FHIT: variants seen among roughly 807,000 people sequenced by gnomAD.
FHIT encodes bis(5'-adenosyl)-triphosphatase.
In FHIT, 19 loss-of-function variants were observed where a neutral mutation model predicts 17.9. The observed-to-expected ratio is 1.06, with a 90% CI of 0.74 to 1.56. The LOEUF (loss-of-function observed/expected upper bound fraction) is 1.56, where lower values mean the gene tolerates loss of function less well. Ranked by LOEUF, FHIT falls within the 40% of genes most tolerant of loss-of-function variation. The pLI is 0.00. For synonymous variants in FHIT, 81 were observed against 69.7 expected (o/e 1.16, Z -0.81); for missense variants, 248 against 189.2 (o/e 1.31, Z -1.82).
intron 5 of FHIT, among the ~76,000 whole-genome samples, chr3:60,372,152 T>C (rs1192930597): frequency 1.3e-5 from 2 of 152,182 alleles, no homozygotes; most frequent in Non-Finnish European, 1.5e-5. Flanking sequence ...GGAAGAGATG[T>C]CAGTTCTTGG....
intron 5 of FHIT, among the ~76,000 whole-genome samples, chr3:60,243,753 T>C (rs1224123682): frequency 1.3e-5 from 2 of 152,124 alleles, no homozygotes; most frequent in African/African-American, 4.8e-5. Flanking sequence ...ATGCTTTACA[T>C]TGTTTTATAA....
chr3:61,130,414 T>TC lies in FHIT; in HGVS notation c.-164+70202dup, dbSNP rs567792761. On this transcript the variant is annotated intron_variant, in intron 2 of 9. Coordinates refer to ENST00000492590, the MANE Select transcript of FHIT (RefSeq NM_002012.4). The stretch of plus-strand genomic sequence containing the variant: ...TTCCCAAATCCACATTCTTACAATT[T>TC]CCCCAAAGATTCAGCAATTCTGAAT... Among the ~76,000 whole-genome samples the TC allele has an allele frequency of 6.2e-3, 949 of 152,262 alleles. 10 individuals carry two copies. Among genetic ancestry groups the TC allele is most frequent in the African/African-American group, 0.022 (912 of 41,526 alleles).
intron 1 of FHIT, among the ~76,000 whole-genome samples, chr3:61,228,088 G>C (rs988937426): frequency 6.6e-6 from 1 of 152,044 alleles, no homozygotes; most frequent in Non-Finnish European, 1.5e-5. Flanking sequence ...ACATTCTACT[G>C]GGTGAAAGGT....
intron 4 of FHIT, among the ~76,000 whole-genome samples, chr3:60,568,398 A>C (rs1000991228): frequency 2.6e-5 from 4 of 151,850 alleles, no homozygotes; most frequent in African/African-American, 9.7e-5. Context: ...ATAGGTGGGA[A>C]TTGAACAATG....
At chr3:60,698,414 T>C (rs1553701239) in intron 4 of FHIT, among the ~76,000 whole-genome samples, 1 of 152,176 alleles carries the variant, frequency 6.6e-6, no homozygotes, top group Non-Finnish European at 1.5e-5. Context: ...GTGTGCGGCT[T>C]CTGAGATAAG....
intron 4 of FHIT, among the ~76,000 whole-genome samples, chr3:60,782,288 T>C (rs1425664073): frequency 6.6e-6 from 1 of 151,608 alleles, no homozygotes; most frequent in African/African-American, 2.4e-5. Context: ...CTCACACCTA[T>C]TAAAATGGCA....
At chr3:60,562,438 GAA>G (rs1427520790) in intron 4 of FHIT, among the ~76,000 whole-genome samples, 1 of 152,182 alleles carries the variant, frequency 6.6e-6, no homozygotes, top group East Asian at 1.9e-4. Context: ...TCTCCAAGAA[GAA>G]AAGTCTCACT....
At chr3:61,170,950 C>T (rs2037986378) in intron 2 of FHIT, among the ~76,000 whole-genome samples, 1 of 152,032 alleles carries the variant, frequency 6.6e-6, no homozygotes, top group South Asian at 2.1e-4. Flanking sequence ...GTATTATATA[C>T]CCAAAAAATA....
chr3:61,098,182 C>T (rs1028467026), intron 2 of FHIT, among the ~76,000 whole-genome samples: 33 of 152,100 alleles, frequency 2.2e-4, no homozygotes, highest in African/African-American at 7.5e-4. Flanking sequence ...GCAGCTTAAC[C>T]CAGTACCATT....
At chr3:60,805,464 C>T (rs1701350423) in intron 4 of FHIT, among the ~76,000 whole-genome samples, 1 of 152,170 alleles carries the variant, frequency 6.6e-6, no homozygotes, top group Admixed American at 6.5e-5. Flanking sequence ...ATCTCCTCTT[C>T]TTCTTCTTAT....
At chr3:60,788,498 G>A (rs782664021) in intron 4 of FHIT, among the ~76,000 whole-genome samples, 31 of 152,070 alleles carry the variant, frequency 2.0e-4, no homozygotes, top group Non-Finnish European at 4.1e-4. Context: ...ACATGCACAT[G>A]TGTATATATG....
intron 2 of FHIT, among the ~76,000 whole-genome samples, chr3:61,101,052 A>G (rs887467359): frequency 6.6e-6 from 1 of 152,062 alleles, no homozygotes; most frequent in Admixed American, 6.6e-5. Context: ...GTGCAGAAGC[A>G]CTTTAGTTTA....
At chr3:59,986,540 T>TATATATATACAC (rs1473518719) in intron 7 of FHIT, among the ~76,000 whole-genome samples, 1 of 12,456 alleles carries the variant, frequency 8.0e-5, no homozygotes, top group African/African-American at 3.5e-4. Context: ...TATATATATA[T>TATATATATACAC]ACACACACAC....
chr3:60,602,698 A>G (rs1553669225), intron 4 of FHIT, among the ~76,000 whole-genome samples: 1 of 152,168 alleles, frequency 6.6e-6, no homozygotes. Context: ...GAGCCTGTGC[A>G]ATGGACTGAA....
intron 2 of FHIT, among the ~76,000 whole-genome samples, chr3:61,191,029 T>C (rs1247517829): frequency 2.6e-5 from 4 of 151,808 alleles, no homozygotes; most frequent in Non-Finnish European, 5.9e-5. Context: ...CATGTATACA[T>C]ATGTAACAAA....
At chr3:60,275,131 C>T (rs894275893) in intron 5 of FHIT, among the ~76,000 whole-genome samples, 1 of 151,358 alleles carries the variant, frequency 6.6e-6, no homozygotes. Context: ...AATTTTTTGT[C>T]CCTTTGTGAA....
rs73112304 is a variant in FHIT at position 61,093,596 on chromosome 3, G to A, written c.-163-51497C>T. 7.6e-3 allele frequency among the ~76,000 whole-genome samples: 1,160 copies of A among 152,296 alleles called. 7 individuals carry two copies. The highest frequency in any genetic ancestry group is 0.011 in the Non-Finnish European group (746 of 68,032). On this transcript the variant is annotated intron_variant, in intron 2 of 9. Coordinates refer to ENST00000492590, the MANE Select transcript of FHIT (RefSeq NM_002012.4). The stretch of plus-strand genomic sequence containing the variant: ...TGGAAGGAAAGGTACATTCAAAGCC[G>A]GGATAGGAAAGTAGATCAGAGCAGA...
intron 5 of FHIT, among the ~76,000 whole-genome samples, chr3:60,464,775 G>C (rs56097800): frequency 6.6e-6 from 1 of 152,088 alleles, no homozygotes; most frequent in Non-Finnish European, 1.5e-5. Flanking sequence ...GGGACACTTA[G>C]GTTGCTTCCA....
chr3:60,983,512 C>A (rs909827811), intron 3 of FHIT, among the ~76,000 whole-genome samples: 9 of 152,086 alleles, frequency 5.9e-5, no homozygotes, highest in Non-Finnish European at 1.0e-4. Flanking sequence ...CATCACAGGC[C>A]TCAGTGGCAA....
Sources: allele counts gnomAD v4.1 joint callset (sites outside exome capture counted in the v4.1 genomes callset), GRCh38; gene constraint gnomAD v4.1.1; transcripts MANE v1.5; gene names NCBI Gene and HGNC (gene_info 2026-07-23, HGNC 2026-07-21).